The following NFIB variants were observed in gnomAD, a reference collection of about 807,000 sequenced individuals.
The protein encoded by NFIB is nuclear factor I B.
NFIB carries 11 observed loss-of-function variants against 61.5 expected under a neutral mutation model. The ratio of observed to expected loss-of-function variants is 0.18; its 90% CI spans 0.11 to 0.30. NFIB has a LOEUF of 0.30. Ranked by LOEUF, NFIB falls within the 10% of genes least tolerant of loss-of-function variation. The probability of loss-of-function intolerance (pLI) is 1.00; values close to 1 mark genes in which losing one functional copy is unlikely to be tolerated. For synonymous variants in NFIB, 260 were observed against 216.5 expected, an observed-to-expected ratio of 1.20 and a Z score of -1.76; for missense variants, 471 against 608.9, an observed-to-expected ratio of 0.77 and a Z score of 2.38.
At chr9:14,389,068 A>C (rs1021595419) in intron 1 of NFIB, among the ~76,000 whole-genome samples, 1 of 152,208 alleles carries the variant, frequency 6.6e-6, no homozygotes, top group Non-Finnish European at 1.5e-5. Context: ...CAAGAACTGC[A>C]ATATTAGATG....
At chr9:14,288,380 T>C (rs777571845) in intron 2 of NFIB, among the ~76,000 whole-genome samples, 14 of 152,108 alleles carry the variant, frequency 9.2e-5, no homozygotes, top group Admixed American at 1.3e-4. Flanking sequence ...CATTTAGTAT[T>C]AAATATTTTG....
chr9:14,120,532 G>A lies in NFIB; in HGVS notation c.1153C>T (p.Pro385Ser), dbSNP rs1260961300. The change falls in exon 8 of 11, where the codon CCA becomes TCA. Residue 385 changes from proline to serine, a missense_variant. Pro to Ser is a moderately conservative substitution (Grantham distance 74). This residue lies in a region of NFIB where 372 missense variants were observed against 395.6 expected (regional missense o/e 0.94). Coordinates refer to ENST00000380953, the MANE Select transcript of NFIB (RefSeq NM_001190737.2). The surrounding 1 kb of genome is among the most constrained non-coding windows in gnomAD (Gnocchi z 4.4). Reference sequence around the variant, plus strand: ...AGGTGGGGAGGATATCTGATTGTTGGATGAGAAAAGTAGCTCGATGGGGCT... The same window carrying A: ...AGGTGGGGAGGATATCTGATTGTTGAATGAGAAAAGTAGCTCGATGGGGCT... ...PPAPSSYFSH[P>S]TIRYPPHLNP... The A allele has an allele frequency of 6.2e-7, 1 of 1,614,110 alleles. No homozygotes were observed. Among genetic ancestry groups the A allele is most frequent in the East Asian group, 2.2e-5 (1 of 44,868 alleles).
chr9:14,097,862 T>C (rs1285472969), intron 10 of NFIB, among the ~76,000 whole-genome samples: 1 of 146,264 alleles, frequency 6.8e-6, no homozygotes, highest in African/African-American at 2.5e-5. Context: ...TTTTTTTTCT[T>C]TCTTTCTTTT....
At chr9:14,212,584 G>A (rs1173521711) in intron 2 of NFIB, among the ~76,000 whole-genome samples, 1 of 151,646 alleles carries the variant, frequency 6.6e-6, no homozygotes, top group Non-Finnish European at 1.5e-5. Context: ...TCACCACTGA[G>A]TAATAGTGTG....
chr9:14,532,048 G>A, the NFIB span: 3 of 152,756 alleles, frequency 2.0e-5, no homozygotes, highest in African/African-American at 7.2e-5. Flanking sequence ...TTCATCAGAT[G>A]CAGCTCAATG....
chr9:14,195,590 TA>T (rs1287166710), intron 2 of NFIB, among the ~76,000 whole-genome samples: 1 of 152,212 alleles, frequency 6.6e-6, no homozygotes, highest in Admixed American at 6.5e-5. Flanking sequence ...ACTGTCGATA[TA>T]AATGACTGCA....
chr9:14,445,732 T>G, the NFIB span, among the ~76,000 whole-genome samples: 5 of 152,208 alleles, frequency 3.3e-5, no homozygotes, highest in African/African-American at 1.2e-4. Context: ...TTTATGAAAT[T>G]TTGTTTAGGA....
At chr9:14,273,199 T>C (rs890682805) in intron 2 of NFIB, among the ~76,000 whole-genome samples, 1 of 152,100 alleles carries the variant, frequency 6.6e-6, no homozygotes, top group Non-Finnish European at 1.5e-5. Flanking sequence ...AATAAGTACA[T>C]TTTCCGTCTC....
chr9:14,206,828 G>C (rs773739953), intron 2 of NFIB, among the ~76,000 whole-genome samples: 8 of 151,796 alleles, frequency 5.3e-5, no homozygotes, highest in Non-Finnish European at 1.2e-4. Flanking sequence ...CAAGTTTTTG[G>C]AGATCATGCT....
At chr9:14,493,986 C>G in the NFIB span, among the ~76,000 whole-genome samples, 1 of 152,182 alleles carries the variant, frequency 6.6e-6, no homozygotes. Context: ...AAGGCACCAT[C>G]CCTGAGCATA....
the NFIB span, among the ~76,000 whole-genome samples, chr9:14,438,937 A>G: frequency 2.6e-5 from 4 of 152,160 alleles, no homozygotes; most frequent in East Asian, 7.7e-4. Context: ...GAACGCCCCC[A>G]ATGACCACAT....
In NFIB at chr9:14,086,408, C is replaced by CCT. The variant is rs1563768485; in HGVS notation, c.*1899_*1900dup. The stretch of plus-strand genomic sequence containing the variant: ...TTTTTTTTTTAAATCTGTGTACTTA[C>CCT]CTATAATAACCAATACAGCTAAAAG... On this transcript the variant is annotated 3_prime_UTR_variant, in exon 11 of 11. Transcript: ENST00000380953. 2 of 218,378 alleles carry CCT rather than the reference C, an allele frequency of 9.2e-6. No individual in the cohort carries two copies. The highest frequency in any genetic ancestry group is 4.5e-5 in the African/African-American group (2 of 44,402). The allele number at this position is 218,378 out of a possible 1,614,324, so 13.5% of individuals were successfully genotyped here.
the NFIB span, among the ~76,000 whole-genome samples, chr9:14,465,081 T>C: frequency 6.6e-6 from 1 of 152,208 alleles, no homozygotes; most frequent in African/African-American, 2.4e-5. Context: ...TAATCTGTCA[T>C]AAACAAGATG....
At chr9:14,323,359 A>G (rs973786721) in intron 1 of NFIB, among the ~76,000 whole-genome samples, 1 of 152,208 alleles carries the variant, frequency 6.6e-6, no homozygotes, top group African/African-American at 2.4e-5. Context: ...GGAAACAAAT[A>G]TATGTAGGGG....
the NFIB span, among the ~76,000 whole-genome samples, chr9:14,475,981 T>C: frequency 1.3e-5 from 2 of 151,986 alleles, no homozygotes; most frequent in Non-Finnish European, 2.9e-5. Context: ...AAAAATAAAT[T>C]TGACAATAAA....
chr9:14,160,972 A>G (rs1405453529), intron 3 of NFIB, among the ~76,000 whole-genome samples: 1 of 152,134 alleles, frequency 6.6e-6, no homozygotes, highest in East Asian at 1.9e-4. Context: ...ACAGGTGGAC[A>G]TAAGACATCT....
chr9:14,402,559 T>A (rs1389413656), upstream of NFIB, among the ~76,000 whole-genome samples: 2 of 152,112 alleles, frequency 1.3e-5, no homozygotes, highest in Non-Finnish European at 2.9e-5. Flanking sequence ...TTCTCAGATT[T>A]AAAAAAATTA....
chr9:14,204,613 GC>G, intron 2 of NFIB: 1 of 796,454 alleles, frequency 1.3e-6, no homozygotes, highest in South Asian at 1.5e-5. Context: ...AGAAGAAAGC[GC>G]CGGCAAAGGG....
At chr9:14,158,521 G>A (rs2043735635) in intron 3 of NFIB, among the ~76,000 whole-genome samples, 1 of 152,224 alleles carries the variant, frequency 6.6e-6, no homozygotes, top group Non-Finnish European at 1.5e-5. Context: ...TTACAGAAGT[G>A]ACTGGGTTTT....
Sources: gnomAD v4.1 joint callset for allele counts (sites outside exome capture counted in the v4.1 genomes callset) on GRCh38, gnomAD v4.1.1 for gene constraint, gnomAD v4.1.1 regional missense constraint, Gnocchi (gnomAD v3.1) non-coding constraint, MANE v1.5 for transcripts, NCBI Gene and HGNC (gene_info 2026-07-23, HGNC 2026-07-21) for gene names.